The following METTL8 variants were observed in gnomAD, a reference collection of about 807,000 sequenced individuals.
METTL8 encodes tRNA N(3)-cytidine methyltransferase METTL8, mitochondrial.
Under a neutral mutation model 48.7 loss-of-function variants are expected in METTL8, and 32 were observed. That is an observed-to-expected ratio of 0.66 (90% confidence interval 0.50 to 0.88). The LOEUF (loss-of-function observed/expected upper bound fraction) is 0.88, where lower values mean the gene tolerates loss of function less well. Among genes scored for constraint, METTL8 ranks in the 40% least tolerant of loss-of-function variants. The probability of loss-of-function intolerance (pLI) is 0.00; values close to 1 mark genes in which losing one functional copy is unlikely to be tolerated. For synonymous variants in METTL8, 136 were observed against 157.1 expected (o/e 0.87, Z 1.01); for missense variants, 464 against 474.4 (o/e 0.98, Z 0.20).
At chr2:171,391,265 C>T (rs1318700482) in intron 2 of METTL8, among the ~76,000 whole-genome samples, 2 of 152,174 alleles carry the variant, frequency 1.3e-5, no homozygotes, top group East Asian at 3.8e-4. Flanking sequence ...TGCTATTGTA[C>T]ACTTAAGAGA....
chr2:171,316,314 G>A lies in METTL8; in HGVS notation c.*7858C>T, dbSNP rs144164009. Among the ~76,000 whole-genome samples the A allele has an allele frequency of 3.3e-5, 5 of 152,350 alleles. No individual in the cohort carries two copies. The East Asian group carries it at 9.6e-4, about 29-fold the overall frequency. On this transcript the variant is annotated 3_prime_UTR_variant, in exon 10 of 10. Transcript: ENST00000375258. ...CCCCAAGTTGCTACTGAGCCAAACTGTAAAGGCCAGTCAGGAAATGAGCAG... is the reference window on the plus strand; with the variant it reads ...CCCCAAGTTGCTACTGAGCCAAACTATAAAGGCCAGTCAGGAAATGAGCAG...
chr2:171,352,068 C>T (rs1325142620), intron 3 of METTL8, among the ~76,000 whole-genome samples: 3 of 152,154 alleles, frequency 2.0e-5, no homozygotes, highest in Admixed American at 6.6e-5. Flanking sequence ...CCAGTTTCTG[C>T]CCGTACGTAT....
intron 9 of METTL8, 47 bp from the exon 10 acceptor site, chr2:171,324,409 T>TG (rs1176048975): frequency 6.7e-7 from 1 of 1,499,058 alleles, no homozygotes; most frequent in African/African-American, 1.4e-5. Flanking sequence ...TGACTAGAGA[T>TG]GGGGGAGGTC....
chr2:171,409,496 A>G (rs147368186), intron 1 of METTL8, among the ~76,000 whole-genome samples: 430 of 152,252 alleles, frequency 2.8e-3, no homozygotes, highest in African/African-American at 9.4e-3. Context: ...AATGAAAGTA[A>G]CAATCAAGTC....
At chr2:171,432,106 C>A (rs897435576) in intron 1 of METTL8, among the ~76,000 whole-genome samples, 2 of 152,216 alleles carry the variant, frequency 1.3e-5, no homozygotes, top group African/African-American at 4.8e-5. Context: ...TCCACACCTG[C>A]GTGCAAGCCA....
intron 1 of METTL8, among the ~76,000 whole-genome samples, chr2:171,410,075 A>G (rs1310284454): frequency 6.6e-6 from 1 of 152,244 alleles, no homozygotes; most frequent in African/African-American, 2.4e-5. Context: ...GCTAAAGAAT[A>G]ATTGAGAATA....
At chr2:171,331,111 CCTTT>C (rs1390022768) in intron 6 of METTL8, among the ~76,000 whole-genome samples, 1 of 151,960 alleles carries the variant, frequency 6.6e-6, no homozygotes, top group East Asian at 1.9e-4. Context: ...GTGTTGTTGG[CCTTT>C]CTTTCTTTCT....
chr2:171,324,231 G>C lies in METTL8; in HGVS notation c.1165C>G (p.Pro389Ala). The part of the protein sequence containing the change: ...RVWIQGKFQK[P>A]LHQTQNSSNM... The stretch of plus-strand genomic sequence containing the variant: ...GAGCTATTCTGAGTCTGGTGCAATG[G>C]TTTCTGGAATTTGCCTTGAATCCAC... Residue 389 changes from proline (P) to alanine (A), a missense_variant, in exon 10 of 10, where the codon CCA becomes GCA. Transcript: ENST00000375258. 6.4e-7 allele frequency: 1 copy of C among 1,551,150 alleles called. No homozygotes were observed. The highest frequency in any genetic ancestry group is 8.7e-7 in the Non-Finnish European group (1 of 1,146,944).
chr2:171,405,803 C>A (rs1256403378), intron 1 of METTL8, among the ~76,000 whole-genome samples: 2 of 152,136 alleles, frequency 1.3e-5, no homozygotes, highest in Non-Finnish European at 2.9e-5. Flanking sequence ...ACTTTATGCT[C>A]TGAAGAGTAA....
intron 1 of METTL8, among the ~76,000 whole-genome samples, chr2:171,413,115 T>C (rs777746260): frequency 6.6e-6 from 1 of 152,186 alleles, no homozygotes; most frequent in African/African-American, 2.4e-5. Flanking sequence ...AGTCAAAGTA[T>C]AATACAAGAC....
At chr2:171,415,642 G>A (rs532678618) in intron 1 of METTL8, among the ~76,000 whole-genome samples, 4 of 151,892 alleles carry the variant, frequency 2.6e-5, no homozygotes, top group Admixed American at 2.0e-4. Flanking sequence ...TAGCTACCAC[G>A]CCTGGCCTAA....
intron 1 of METTL8, among the ~76,000 whole-genome samples, chr2:171,418,826 G>A (rs1351842812): frequency 6.6e-6 from 1 of 152,018 alleles, no homozygotes; most frequent in East Asian, 1.9e-4. Context: ...ATAGTAGCAT[G>A]TGCCTGTGGC....
intron 2 of METTL8, among the ~76,000 whole-genome samples, chr2:171,377,343 A>G (rs1687076775): frequency 6.6e-6 from 1 of 152,134 alleles, no homozygotes; most frequent in African/African-American, 2.4e-5. Flanking sequence ...AAAAATAAAT[A>G]TAACAACAAA....
intron 1 of METTL8, among the ~76,000 whole-genome samples, chr2:171,398,370 T>C (rs1365759060): frequency 6.6e-6 from 1 of 152,144 alleles, no homozygotes; most frequent in Admixed American, 6.5e-5. Flanking sequence ...GGATGAATCT[T>C]AAAGATATTA....
chr2:171,368,994 T>C (rs1001181044), intron 2 of METTL8, among the ~76,000 whole-genome samples: 28 of 152,242 alleles, frequency 1.8e-4, no homozygotes, highest in Admixed American at 1.0e-3. Flanking sequence ...CCCACAATTA[T>C]CTGATAAAGG....
chr2:171,417,166 C>T (rs1691396835), intron 1 of METTL8, among the ~76,000 whole-genome samples: 1 of 152,140 alleles, frequency 6.6e-6, no homozygotes, highest in Non-Finnish European at 1.5e-5. Flanking sequence ...TCCTGTCAGG[C>T]TTTGTAGCTT....
At chr2:171,379,857 C>T (rs1687340198) in intron 2 of METTL8, among the ~76,000 whole-genome samples, 1 of 152,190 alleles carries the variant, frequency 6.6e-6, no homozygotes, top group Non-Finnish European at 1.5e-5. Flanking sequence ...GAAACTATTA[C>T]AAACAATTGA....
chr2:171,412,495 G>A (rs887271119), intron 1 of METTL8, among the ~76,000 whole-genome samples: 12 of 151,984 alleles, frequency 7.9e-5, no homozygotes, highest in African/African-American at 2.9e-4. Context: ...TATGGTTCAC[G>A]AATTCCTGGG....
intron 3 of METTL8, among the ~76,000 whole-genome samples, chr2:171,345,085 C>G (rs565117690): frequency 6.6e-5 from 10 of 152,010 alleles, no homozygotes; most frequent in African/African-American, 2.4e-4. Flanking sequence ...TTTTTTCTTT[C>G]CTAGGTTGGT....
Sources: allele counts gnomAD v4.1 joint callset (sites outside exome capture counted in the v4.1 genomes callset), GRCh38; gene constraint gnomAD v4.1.1; transcripts MANE v1.5; gene names NCBI Gene and HGNC (gene_info 2026-07-23, HGNC 2026-07-21).